Variants in TRMT2B observed in about 807,000 individuals in gnomAD.
The protein encoded by TRMT2B is tRNA methyltransferase 2B, also known as tRNA (uracil-5-)-methyltransferase homolog B.
Under a neutral mutation model 39.7 loss-of-function variants are expected in TRMT2B, and 34 were observed. That is an observed-to-expected ratio of 0.86 (90% CI 0.65 to 1.14). TRMT2B has a LOEUF of 1.14. TRMT2B is among the 50% of genes most tolerant of loss of function. The pLI is 0.00. For synonymous variants in TRMT2B, 132 were observed against 137.3 expected (o/e 0.96, Z 0.27); for missense variants, 318 against 377.2 (o/e 0.84, Z 1.30).
chrX:101,033,906 G>T (rs1310432287), intron 7 of TRMT2B, among the ~76,000 whole-genome samples: 1 of 105,187 alleles, frequency 9.5e-6, no homozygotes, highest in African/African-American at 3.5e-5. Context: ...ACAGTGGCAT[G>T]ATCTTGGCTC....
the TRMT2B span, chrX:100,987,385 C>T: frequency 3.5e-4 from 417 of 1,206,870 alleles, no homozygotes; most frequent in Non-Finnish European, 4.3e-4. Context: ...TCTCTTTTGT[C>T]ACAGGAGCCA....
chrX:101,012,026 T>G (rs1365992823), intron 13 of TRMT2B, among the ~76,000 whole-genome samples: 2 of 111,970 alleles, frequency 1.8e-5, no homozygotes, highest in Non-Finnish European at 3.8e-5. Flanking sequence ...TGTTTTACAG[T>G]TAACTTTTAA....
the TRMT2B span, among the ~76,000 whole-genome samples, chrX:100,997,319 T>C: frequency 8.9e-6 from 1 of 112,371 alleles, no homozygotes; most frequent in African/African-American, 3.2e-5. Context: ...AGAAAGTTCA[T>C]GTATACCCTT....
Position 101,042,052 on chromosome X carries a change from A to G in TRMT2B, c.238T>C (p.Trp80Arg). The G allele has an allele frequency of 8.3e-7, 1 of 1,211,919 alleles. No homozygotes were observed. The highest frequency in any genetic ancestry group is 1.7e-5 in the African/African-American group (1 of 57,957). ...CAGCCTGGCCTTTACCTTTCCTGCC[A>G]GGAACCATCTAGTGGTCCAAGATGG... ...PSHLGPLDGS[W>R]QERLADVVTP... Residue 80 changes from tryptophan (W) to arginine (R), a missense_variant, in exon 3 of 14, where the codon TGG becomes CGG. Physicochemically the swap from Trp to Arg is moderately radical, Grantham distance 101. Transcript: ENST00000372936.
chrX:101,026,475 CAAAAA>C (rs55926567), intron 7 of TRMT2B, among the ~76,000 whole-genome samples: 1 of 64,169 alleles, frequency 1.6e-5, no homozygotes, highest in Non-Finnish European at 2.8e-5. Context: ...AACTCCGTCT[CAAAAA>C]AAAAAAAAAA....
At chrX:101,033,721 G>C (rs1345315347) in intron 7 of TRMT2B, among the ~76,000 whole-genome samples, 1 of 111,600 alleles carries the variant, frequency 9.0e-6, no homozygotes, top group East Asian at 2.8e-4. Flanking sequence ...GTAGGACTAT[G>C]CAACTATAAA....
the TRMT2B span, among the ~76,000 whole-genome samples, chrX:100,998,552 C>T: frequency 2.3e-5 from 1 of 44,150 alleles, no homozygotes; most frequent in Admixed American, 2.5e-4. Flanking sequence ...GAGATTCTGT[C>T]GCAAAAAAAA....
intron 2 of TRMT2B, among the ~76,000 whole-genome samples, chrX:101,042,993 G>A (rs2088334848): frequency 8.9e-6 from 1 of 112,038 alleles, no homozygotes; most frequent in African/African-American, 3.2e-5. Context: ...ACAGCCAGGA[G>A]CAGTGGCTCA....
the TRMT2B span, among the ~76,000 whole-genome samples, chrX:100,974,409 C>A: frequency 9.1e-6 from 1 of 109,497 alleles, no homozygotes; most frequent in Non-Finnish European, 1.9e-5. Context: ...CCCTTCCCCA[C>A]ATTACATAAA....
At chrX:100,998,858 A>G in the TRMT2B span, among the ~76,000 whole-genome samples, 1 of 111,320 alleles carries the variant, frequency 9.0e-6, no homozygotes, top group African/African-American at 3.3e-5. Flanking sequence ...AGCACCTGCC[A>G]TATTTCAGAC....
the TRMT2B span, among the ~76,000 whole-genome samples, chrX:101,000,270 AC>A: frequency 3.7e-5 from 4 of 109,116 alleles, no homozygotes; most frequent in African/African-American, 1.3e-4. Context: ...ACAGGCGCCC[AC>A]CACCGTGCCC....
chrX:101,000,955 G>C, the TRMT2B span, among the ~76,000 whole-genome samples: 2 of 111,600 alleles, frequency 1.8e-5, no homozygotes, highest in Admixed American at 1.9e-4. Flanking sequence ...ATGCACACCA[G>C]AATCACCTGA....
At chrX:101,047,442 T>C (rs1404082998) in intron 2 of TRMT2B, among the ~76,000 whole-genome samples, 3 of 111,395 alleles carry the variant, frequency 2.7e-5, no homozygotes, top group East Asian at 2.8e-4. Flanking sequence ...ATGGGTGACA[T>C]TGAGAACACA....
rs1268856836 is a variant in TRMT2B at position 101,037,898 on chromosome X, T to C, written c.438+19A>G. On this transcript the variant is annotated intron_variant, in intron 5 of 13. Transcript: ENST00000372936. ...TTAAGGGGCCTTAATAGATAAGGAATAGGGAGGTGGGGGCTTACAGAGGGT... is the reference window on the plus strand; with the variant it reads ...TTAAGGGGCCTTAATAGATAAGGAACAGGGAGGTGGGGGCTTACAGAGGGT... 8.3e-7 allele frequency: 1 copy of C among 1,204,911 alleles called. No homozygotes were observed. The highest frequency in any genetic ancestry group is 1.7e-5 in the African/African-American group (1 of 57,423).
the TRMT2B span, chrX:100,987,388 A>G: frequency 8.3e-7 from 1 of 1,209,538 alleles, no homozygotes; most frequent in Non-Finnish European, 1.1e-6. Context: ...CTTTTGTCAC[A>G]GGAGCCATGT....
the TRMT2B span, among the ~76,000 whole-genome samples, chrX:100,983,024 C>A: frequency 1.8e-5 from 2 of 111,043 alleles, no homozygotes; most frequent in Non-Finnish European, 3.8e-5. Context: ...TTAACAATCA[C>A]CCCCATGTAA....
At chrX:100,977,283 G>A in the TRMT2B span, among the ~76,000 whole-genome samples, 16 of 105,800 alleles carry the variant, frequency 1.5e-4, no homozygotes, top group East Asian at 5.8e-4. Flanking sequence ...TTATTCATTC[G>A]AACTATATTT....
In TRMT2B at chrX:101,010,854, C is replaced by T. The variant is rs1461344267; in HGVS notation, c.1389-147G>A. 16 of 510,498 alleles carry T rather than the reference C, an allele frequency of 3.1e-5. No individual in the cohort carries two copies. The African/African-American group carries it at 3.6e-4, about 11-fold the overall frequency. The allele number at this position is 510,498 out of a possible 1,213,427, so 42.1% of individuals were successfully genotyped here. On this transcript the variant is annotated intron_variant, in intron 13 of 13. Coordinates refer to ENST00000372936, the MANE Select transcript of TRMT2B (RefSeq NM_024917.6). ...CAGCATTTATCTTATTTAATATAAT[C>T]GTTTTTCTTCACCATCTTCCTTACT...
Position 101,036,828 on chromosome X carries a change from G to A in TRMT2B, c.538+146C>T, listed in dbSNP as rs1569484437. The A allele has an allele frequency of 8.4e-6, 4 of 476,508 alleles. No individual in the cohort carries two copies. In the East Asian group the frequency reaches 1.1e-4, roughly 13 times the overall value. 39.3% of individuals were successfully genotyped at this position (476,508 alleles called of 1,213,427 possible). A position where few individuals can be genotyped will look rare whatever the true frequency, so the allele number is the denominator to read the frequency against. ...CAATGACTACCCATTAGCAGTATCC[G>A]TAATCAACCTTGTGATCACGTTCTG... On this transcript the variant is annotated intron_variant, in intron 6 of 13. Coordinates refer to ENST00000372936, the MANE Select transcript of TRMT2B (RefSeq NM_024917.6).
Sources: allele counts gnomAD v4.1 joint callset (sites outside exome capture counted in the v4.1 genomes callset), GRCh38; gene constraint gnomAD v4.1.1; transcripts MANE v1.5; gene names NCBI Gene and HGNC (gene_info 2026-07-23, HGNC 2026-07-21).